The following CNTLN variants were observed in gnomAD, a reference collection of about 807,000 sequenced individuals.
CNTLN encodes the protein centlein.
CNTLN carries 212 observed loss-of-function variants against 180.0 expected under a neutral mutation model. The ratio of observed to expected loss-of-function variants is 1.18; its 90% CI spans 1.05 to 1.32. The LOEUF (loss-of-function observed/expected upper bound fraction) is 1.32, where lower values mean the gene tolerates loss of function less well. Ranked by LOEUF, CNTLN falls within the 40% of genes most tolerant of loss-of-function variation. The pLI is 0.00. For missense variants in CNTLN, 2,095 were observed against 1,610.9 expected (o/e 1.30, Z -5.14); for synonymous variants, 722 against 563.1 (o/e 1.28, Z -3.99).
chr9:17,215,546 C>G (rs576444574), intron 2 of CNTLN, among the ~76,000 whole-genome samples: 14 of 152,296 alleles, frequency 9.2e-5, no homozygotes, highest in Admixed American at 4.6e-4. Context: ...ATCTCACACT[C>G]CATACTGGGA....
At chr9:17,289,547 C>T (rs1446601315) in intron 6 of CNTLN, among the ~76,000 whole-genome samples, 1 of 136,292 alleles carries the variant, frequency 7.3e-6, no homozygotes, top group Non-Finnish European at 1.5e-5. Context: ...TGAATCTGAA[C>T]ATTGGCCTGC....
intron 5 of CNTLN, among the ~76,000 whole-genome samples, chr9:17,267,676 C>G (rs1827586356): frequency 1.3e-5 from 2 of 152,130 alleles, no homozygotes; most frequent in African/African-American, 2.4e-5. Flanking sequence ...TCAGGTACAC[C>G]AATCAGACGT....
the CNTLN span, among the ~76,000 whole-genome samples, chr9:17,519,609 C>CT: frequency 1.3e-5 from 2 of 152,062 alleles, no homozygotes; most frequent in South Asian, 2.1e-4. Flanking sequence ...GGGCTCAAAG[C>CT]TTTTTTTACA....
At chr9:17,201,758 T>G (rs959022334) in intron 2 of CNTLN, among the ~76,000 whole-genome samples, 3 of 152,148 alleles carry the variant, frequency 2.0e-5, no homozygotes, top group African/African-American at 7.2e-5. Context: ...TAGTGATCTA[T>G]TTTGTCAATC....
intron 6 of CNTLN, among the ~76,000 whole-genome samples, chr9:17,293,785 A>G (rs892582014): frequency 6.6e-6 from 1 of 152,088 alleles, no homozygotes; most frequent in Non-Finnish European, 1.5e-5. Flanking sequence ...TCACCAGCCC[A>G]TTGGCTGCTG....
chr9:17,157,556 T>C (rs181271537), intron 2 of CNTLN, among the ~76,000 whole-genome samples: 133 of 152,300 alleles, frequency 8.7e-4, no homozygotes, highest in Non-Finnish European at 1.1e-3. Context: ...TAGTTTTGGA[T>C]GTGTTTGTGA....
chr9:17,262,949 G>T (rs1429725575), intron 5 of CNTLN, among the ~76,000 whole-genome samples: 1 of 151,148 alleles, frequency 6.6e-6, no homozygotes, highest in South Asian at 2.1e-4. Context: ...AAGCTTCTCT[G>T]TGTCTATTGA....
intron 2 of CNTLN, among the ~76,000 whole-genome samples, chr9:17,164,549 C>T (rs139221844): frequency 0.011 from 1,555 of 137,148 alleles, 31 homozygotes; most frequent in African/African-American, 0.04. Flanking sequence ...ACTGTGACCT[C>T]TGCCTCCCTG....
chr9:17,373,573 T>A (rs1285875407), intron 13 of CNTLN, among the ~76,000 whole-genome samples: 1 of 152,030 alleles, frequency 6.6e-6, no homozygotes, highest in Non-Finnish European at 1.5e-5. Flanking sequence ...ATCTACAGAT[T>A]TAATGCAAGC....
At chr9:17,268,456 G>A (rs988115805) in intron 5 of CNTLN, among the ~76,000 whole-genome samples, 21 of 152,180 alleles carry the variant, frequency 1.4e-4, no homozygotes, top group African/African-American at 5.1e-4. Flanking sequence ...CCCTACTGGG[G>A]GGTGCCTCCC....
chr9:17,198,148 A>G (rs1022389094), intron 2 of CNTLN, among the ~76,000 whole-genome samples: 16 of 152,050 alleles, frequency 1.1e-4, no homozygotes, highest in African/African-American at 3.9e-4. Flanking sequence ...TTGTAGTATA[A>G]TTTGAAATCA....
At position 17,416,170 on chromosome 9, in the gene CNTLN, C is replaced by T; in HGVS notation, c.3095C>T (p.Thr1032Ile). The T allele has an allele frequency of 6.2e-7, 1 of 1,612,806 alleles. No individual in the cohort carries two copies. ...QQQVSDQRFQ[T>I]SRQTIKKLNL... ...CAAGTATCCGATCAACGATTTCAGA[C>T]AAGCAGGCAGACAATAAAGGTAAAG... Residue 1032 changes from threonine (T) to isoleucine (I), a missense_variant, in exon 18 of 26, where the codon ACA (threonine) becomes ATA (isoleucine). Physicochemically the swap from Thr to Ile is moderately conservative, Grantham distance 89. Transcript: ENST00000380647.
At chr9:17,458,234 AG>A (rs1831253167) in intron 19 of CNTLN, among the ~76,000 whole-genome samples, 1 of 151,758 alleles carries the variant, frequency 6.6e-6, no homozygotes, top group South Asian at 2.1e-4. Context: ...AAAAAAAAAA[AG>A]AATCTAAGAC....
At chr9:17,250,041 C>T (rs562136582) in intron 5 of CNTLN, among the ~76,000 whole-genome samples, 2 of 151,252 alleles carry the variant, frequency 1.3e-5, no homozygotes, top group African/African-American at 4.9e-5. Flanking sequence ...TGTTTGCTCT[C>T]TATATTTTGG....
chr9:17,164,457 G>GTTTTTT (rs772109564), intron 2 of CNTLN, among the ~76,000 whole-genome samples: 88 of 68,450 alleles, frequency 1.3e-3, no homozygotes, highest in East Asian at 3.3e-3. Context: ...TTATTTTTAT[G>GTTTTTT]TTTTTTTTTT....
chr9:17,294,647 G>C, intron 6 of CNTLN, among the ~76,000 whole-genome samples: 1 of 149,230 alleles, frequency 6.7e-6, no homozygotes, highest in Non-Finnish European at 1.5e-5. Context: ...GGGGCCACAG[G>C]TGGAGCTGCC....
At chr9:17,476,502 T>TGCATGCATTGGAAAAGCTTG (rs1832356212) in intron 23 of CNTLN, among the ~76,000 whole-genome samples, 1 of 152,146 alleles carries the variant, frequency 6.6e-6, no homozygotes, top group South Asian at 2.1e-4. Flanking sequence ...AACAGCCAAG[T>TGCATGCATTGGAAAAGCTTG]CATGAATGCA....
intron 18 of CNTLN, among the ~76,000 whole-genome samples, chr9:17,430,619 C>G (rs1829360743): frequency 6.6e-6 from 1 of 151,944 alleles, no homozygotes; most frequent in Non-Finnish European, 1.5e-5. Context: ...TGTAGTTGCC[C>G]TACTGTACTA....
intron 12 of CNTLN, among the ~76,000 whole-genome samples, chr9:17,360,813 A>T (rs1240967814): frequency 6.6e-6 from 1 of 152,232 alleles, no homozygotes; most frequent in Non-Finnish European, 1.5e-5. Context: ...TTTTAGCTTT[A>T]CTGAGAATTG....
Sources: gnomAD v4.1 joint callset for allele counts (sites outside exome capture counted in the v4.1 genomes callset) on GRCh38, gnomAD v4.1.1 for gene constraint, MANE v1.5 for transcripts, NCBI Gene and HGNC (gene_info 2026-07-23, HGNC 2026-07-21) for gene names.